The following PSPC1 variants were observed in gnomAD, a reference collection of about 807,000 sequenced individuals.
The protein encoded by PSPC1 is paraspeckle component 1, also known as paraspeckle protein 1.
In PSPC1, 14 loss-of-function variants were observed where a neutral mutation model predicts 51.6. The observed-to-expected ratio is 0.27, with a 90% CI of 0.18 to 0.42. The LOEUF is 0.42. PSPC1 is among the 10% of genes least tolerant of loss of function. The pLI is 1.00. For missense variants in PSPC1, 406 were observed against 701.1 expected (o/e 0.58, Z 4.75); for synonymous variants, 193 against 231.9 (o/e 0.83, Z 1.53).
intron 4 of PSPC1, among the ~76,000 whole-genome samples, chr13:19,743,728 T>C (rs1049207755): frequency 3.3e-5 from 5 of 152,156 alleles, no homozygotes; most frequent in African/African-American, 1.2e-4. Context: ...AACACTTGAT[T>C]ATCTGAAAAA....
rs1369957754 is a variant in PSPC1, at chr13:19,693,076, ACTTCT to A, written c.1159-15258_1159-15254del. On this transcript the variant is annotated intron_variant and NMD_transcript_variant, in intron 6 of 7. Coordinates refer to the PSPC1 transcript ENST00000471658. ...TCAATTATAATCTTATCTCAACTTTACTTCTCTTCTCTGCTACCAACCAGTCTTAG... is the reference window on the plus strand; with the variant it reads ...TCAATTATAATCTTATCTCAACTTTACTTCTCTGCTACCAACCAGTCTTAG... Among the ~76,000 whole-genome samples, 7 of 152,134 alleles carry A rather than the reference ACTTCT, an allele frequency of 4.6e-5. No homozygotes were observed. The East Asian group carries it at 1.2e-3, about 25-fold the overall frequency.
chr13:19,692,197 C>T (rs190809395), intron 6 of PSPC1, among the ~76,000 whole-genome samples: 2 of 152,202 alleles, frequency 1.3e-5, no homozygotes, highest in African/African-American at 2.4e-5. Context: ...GATCTCAGCT[C>T]GCTGCAACCT....
intron 2 of PSPC1, among the ~76,000 whole-genome samples, chr13:19,768,374 G>C (rs150889293): frequency 6.6e-6 from 1 of 152,236 alleles, no homozygotes; most frequent in Admixed American, 6.5e-5. Flanking sequence ...GGGGACGGGC[G>C]TGGTGGCTCA....
intron 3 of PSPC1, among the ~76,000 whole-genome samples, chr13:19,753,449 A>G (rs1366451477): frequency 6.6e-6 from 1 of 152,162 alleles, no homozygotes; most frequent in Non-Finnish European, 1.5e-5. Flanking sequence ...TTTGTTGCCC[A>G]GGCTGGTCTC....
At chr13:19,710,213 T>A (rs1402534262) in intron 6 of PSPC1, among the ~76,000 whole-genome samples, 1 of 152,228 alleles carries the variant, frequency 6.6e-6, no homozygotes, top group Non-Finnish European at 1.5e-5. Flanking sequence ...TTCCTTTAAC[T>A]GCGCAGTAAT....
At chr13:19,720,807 A>G (rs1389605461) in intron 6 of PSPC1, among the ~76,000 whole-genome samples, 1 of 152,154 alleles carries the variant, frequency 6.6e-6, no homozygotes, top group African/African-American at 2.4e-5. Context: ...ATAAGATACC[A>G]TTAAGAAAAG....
chr13:19,765,504 T>A (rs1887988182), intron 2 of PSPC1, among the ~76,000 whole-genome samples: 1 of 58,176 alleles, frequency 1.7e-5, no homozygotes, highest in African/African-American at 3.9e-5. Context: ...CTAATTTTTT[T>A]TTTTTTTTTT....
intron 6 of PSPC1, among the ~76,000 whole-genome samples, chr13:19,690,631 G>A (rs952753641): frequency 2.6e-5 from 4 of 151,956 alleles, no homozygotes; most frequent in African/African-American, 7.3e-5. Context: ...AAGACCAAAC[G>A]CCATTGTATT....
intron 5 of PSPC1, among the ~76,000 whole-genome samples, chr13:19,735,448 G>A (rs536707480): frequency 1.3e-5 from 2 of 152,298 alleles, no homozygotes; most frequent in Admixed American, 6.5e-5. Context: ...GTTCATGTAA[G>A]CCCCTCATCC....
At chr13:19,709,440 T>C in intron 7 of PSPC1, 102 bp downstream of exon 7, 1 of 869,540 alleles carries the variant, frequency 1.2e-6, no homozygotes, top group Non-Finnish European at 1.8e-6. Context: ...GAAATGTTGG[T>C]TCTGTATTTT....
chr13:19,682,486 C>CA (rs138769031), intron 6 of PSPC1, among the ~76,000 whole-genome samples: 3,700 of 98,450 alleles, frequency 0.038, 143 homozygotes, highest in African/African-American at 0.087. Flanking sequence ...GGCTGAATGG[C>CA]AAAAAAAAAA....
At chr13:19,706,787 G>C (rs1880731924) in intron 7 of PSPC1, among the ~76,000 whole-genome samples, 1 of 151,976 alleles carries the variant, frequency 6.6e-6, no homozygotes, top group Admixed American at 6.6e-5. Context: ...TCAATTTTCT[G>C]ATAATAAGAA....
chr13:19,713,307 G>A (rs372282067), intron 6 of PSPC1, among the ~76,000 whole-genome samples: 26 of 152,006 alleles, frequency 1.7e-4, no homozygotes, highest in African/African-American at 5.8e-4. Context: ...AACCTATGAT[G>A]AAAACTCAGT....
intron 2 of PSPC1, among the ~76,000 whole-genome samples, chr13:19,765,344 A>AATAATTATTATT (rs1555248074): frequency 2.1e-5 from 3 of 141,370 alleles, no homozygotes; most frequent in Non-Finnish European, 4.5e-5. Flanking sequence ...TAATAATAAT[A>AATAATTATTATT]ATTATTATTA....
intron 4 of PSPC1, among the ~76,000 whole-genome samples, chr13:19,743,260 T>G (rs1238064521): frequency 1.3e-5 from 2 of 152,210 alleles, no homozygotes; most frequent in Non-Finnish European, 2.9e-5. Context: ...TCCTTTTCTC[T>G]TTATATCTGA....
chr13:19,739,757 A>G (rs188709334), intron 5 of PSPC1, among the ~76,000 whole-genome samples: 18 of 150,912 alleles, frequency 1.2e-4, no homozygotes, highest in African/African-American at 3.2e-4. Context: ...AATAAAATTT[A>G]AAAAAAAAGT....
chr13:19,690,576 C>G (rs1284064824), intron 6 of PSPC1, among the ~76,000 whole-genome samples: 4 of 152,312 alleles, frequency 2.6e-5, no homozygotes, highest in Admixed American at 2.0e-4. Context: ...GCGTTTTAAA[C>G]TTACTTCCAC....
intron 5 of PSPC1, among the ~76,000 whole-genome samples, chr13:19,740,743 T>C (rs1041243770): frequency 6.6e-6 from 1 of 152,200 alleles, no homozygotes; most frequent in Non-Finnish European, 1.5e-5. Flanking sequence ...GGTTTATATA[T>C]CTTGAATTAA....
chr13:19,776,729 G>A (rs917781734), intron 1 of PSPC1, among the ~76,000 whole-genome samples: 1 of 151,646 alleles, frequency 6.6e-6, no homozygotes, highest in Admixed American at 6.6e-5. Context: ...GGATGGTCTC[G>A]ATCTCCTGAC....
Sources: allele counts gnomAD v4.1 joint callset (sites outside exome capture counted in the v4.1 genomes callset), GRCh38; gene constraint gnomAD v4.1.1; transcripts MANE v1.5; gene names NCBI Gene and HGNC (gene_info 2026-07-23, HGNC 2026-07-21).